The following DAB2IP variants were observed in gnomAD, a reference collection of about 807,000 sequenced individuals.
DAB2IP encodes the protein disabled homolog 2-interacting protein.
In DAB2IP, 28 loss-of-function variants were observed where a neutral mutation model predicts 107.2. The observed-to-expected ratio is 0.26, with a 90% CI of 0.19 to 0.36. DAB2IP has a LOEUF of 0.36. DAB2IP is among the 10% of genes least tolerant of loss of function. The pLI is 1.00. For synonymous variants in DAB2IP, 755 were observed against 706.4 expected, an observed-to-expected ratio of 1.07 and a Z score of -1.09; for missense variants, 1,400 against 1,644.7, an observed-to-expected ratio of 0.85 and a Z score of 2.57.
chr9:121,610,338 T>C (rs1589404326), intron 1 of DAB2IP, among the ~76,000 whole-genome samples: 1 of 152,304 alleles, frequency 6.6e-6, no homozygotes, highest in Admixed American at 6.5e-5. Flanking sequence ...CAGCTCACAC[T>C]TTCTGAGTAC....
At chr9:121,695,270 G>A (rs1440508148) in intron 2 of DAB2IP, among the ~76,000 whole-genome samples, 3 of 152,142 alleles carry the variant, frequency 2.0e-5, no homozygotes, top group Admixed American at 2.0e-4. Flanking sequence ...TCCTTGGAGA[G>A]CCCAGACTGA....
At chr9:121,636,538 T>C (rs1341280222) in intron 1 of DAB2IP, among the ~76,000 whole-genome samples, 1 of 151,962 alleles carries the variant, frequency 6.6e-6, no homozygotes, top group African/African-American at 2.4e-5. Flanking sequence ...CTCGCTGCTC[T>C]CCCCAGCTGA....
chr9:121,647,204 G>A (rs1832568648), upstream of DAB2IP, among the ~76,000 whole-genome samples: 1 of 152,150 alleles, frequency 6.6e-6, no homozygotes, highest in South Asian at 2.1e-4. Flanking sequence ...GAAGATAACT[G>A]GTTGTGGTTG....
chr9:121,777,896 C>G (rs2119029088), intron 14 of DAB2IP, among the ~76,000 whole-genome samples: 1 of 152,310 alleles, frequency 6.6e-6, no homozygotes, highest in South Asian at 2.1e-4. Flanking sequence ...TTGAAATATT[C>G]TTTGCTCTGA....
exon 12 of DAB2IP, chr9:121,773,397 T>C (rs752339946): frequency 1.3e-6 from 2 of 1,593,116 alleles, no homozygotes; most frequent in Admixed American, 1.7e-5. Flanking sequence ...GGCGTCGGCC[T>C]CACCTGATTG....
At chr9:121,653,523 G>A (rs1350345247) in intron 1 of DAB2IP, among the ~76,000 whole-genome samples, 1 of 152,082 alleles carries the variant, frequency 6.6e-6, no homozygotes, top group African/African-American at 2.4e-5. Context: ...TGGACCTGCC[G>A]TATGTGGAGG....
At chr9:121,739,415 A>G (rs893453556) in intron 3 of DAB2IP, among the ~76,000 whole-genome samples, 1 of 152,202 alleles carries the variant, frequency 6.6e-6, no homozygotes, top group Non-Finnish European at 1.5e-5. Flanking sequence ...GTGGGGAGTA[A>G]TTGAAGGCTT....
intron 12 of DAB2IP, 116 bp from the exon 13 acceptor site, chr9:121,774,144 C>T (rs1588007023): frequency 8.3e-7 from 1 of 1,200,690 alleles, no homozygotes. Context: ...GCTGGAGGTC[C>T]CCTCTTCCCA....
intron 8 of DAB2IP, among the ~76,000 whole-genome samples, chr9:121,766,239 G>A (rs1249292699): frequency 2.0e-5 from 3 of 152,154 alleles, no homozygotes; most frequent in Non-Finnish European, 4.4e-5. Context: ...CCACCTGCCC[G>A]GCCCTTCACT....
chr9:121,668,196 ATTTT>A (rs11314701), intron 1 of DAB2IP, among the ~76,000 whole-genome samples: 1 of 142,586 alleles, frequency 7.0e-6, no homozygotes. Flanking sequence ...GCTGTTGTTG[ATTTT>A]TTTTTTTTTT....
chr9:121,758,747 G>A (rs1327928696), intron 4 of DAB2IP, 151 bp from the exon 5 acceptor site: 3 of 659,658 alleles, frequency 4.5e-6, no homozygotes, highest in Non-Finnish European at 5.4e-6. Flanking sequence ...TGAAGTAGAG[G>A]CGTCATATGA....
intron 15 of DAB2IP, among the ~76,000 whole-genome samples, chr9:121,781,893 A>G (rs987222941): frequency 9.9e-5 from 15 of 152,128 alleles, no homozygotes; most frequent in African/African-American, 2.7e-4. Flanking sequence ...GTTCACAACT[A>G]TGGCATCCGG....
At chr9:121,679,377 C>T (rs1194387925) in intron 2 of DAB2IP, among the ~76,000 whole-genome samples, 2 of 148,202 alleles carry the variant, frequency 1.3e-5, no homozygotes, top group Admixed American at 1.3e-4. Context: ...TGACCCTTAA[C>T]GTCTGACTGT....
intron 1 of DAB2IP, among the ~76,000 whole-genome samples, chr9:121,661,130 G>A (rs1198387507): frequency 6.6e-6 from 1 of 152,138 alleles, no homozygotes; most frequent in Non-Finnish European, 1.5e-5. Flanking sequence ...TGGCTGATGG[G>A]CCTGCCTTGG....
At chr9:121,740,347 A>T (rs1394318813) in intron 3 of DAB2IP, among the ~76,000 whole-genome samples, 1 of 151,858 alleles carries the variant, frequency 6.6e-6, no homozygotes, top group African/African-American at 2.4e-5. Flanking sequence ...ACGTTTTTGG[A>T]CTGAATGCTG....
rs75375368 is a variant in DAB2IP at position 121,717,501 on chromosome 9, C to T, written c.362+18043C>T. ...GAGAATCCGCCCCTGGGCAGATTCA[C>T]TCGGGTCACACACTTGTTTATCACA... On this transcript the variant is annotated intron_variant, in intron 3 of 15. Transcript: ENST00000408936. 4.7e-3 allele frequency among the ~76,000 whole-genome samples: 717 copies of T among 152,362 alleles called. 5 individuals are homozygous for T. Among genetic ancestry groups the T allele is most frequent in the African/African-American group, 0.016 (680 of 41,592 alleles).
intron 13 of DAB2IP, among the ~76,000 whole-genome samples, chr9:121,775,310 G>A (rs1835121014): frequency 1.3e-5 from 2 of 152,156 alleles, no homozygotes; most frequent in African/African-American, 2.4e-5. Context: ...GGCCTCAGGC[G>A]AGGCCCGTCT....
At chr9:121,660,327 C>T (rs915177491) in intron 1 of DAB2IP, among the ~76,000 whole-genome samples, 1 of 152,190 alleles carries the variant, frequency 6.6e-6, no homozygotes, top group African/African-American at 2.4e-5. Flanking sequence ...TGCTGAGCAT[C>T]ACCCAGCTAC....
Position 121,663,695 on chromosome 9 carries a change from C to T in DAB2IP, c.124+11796C>T, listed in dbSNP as rs112610287. On this transcript the variant is annotated intron_variant, in intron 1 of 15. Coordinates refer to ENST00000408936, the Ensembl canonical transcript of DAB2IP. Reference sequence around the variant, plus strand: ...GTACCTGTACCACCTCCAAACTCAACATCATAAAACCAAAACGTGAAATCA... The same window carrying T: ...GTACCTGTACCACCTCCAAACTCAATATCATAAAACCAAAACGTGAAATCA... 5.5e-3 allele frequency among the ~76,000 whole-genome samples: 834 copies of T among 152,328 alleles called. 9 individuals are homozygous for T. Among genetic ancestry groups the T allele is most frequent in the African/African-American group, 0.017 (718 of 41,562 alleles).
Sources: allele counts gnomAD v4.1 joint callset (sites outside exome capture counted in the v4.1 genomes callset), GRCh38; gene constraint gnomAD v4.1.1; transcripts MANE v1.5; gene names NCBI Gene and HGNC (gene_info 2026-07-23, HGNC 2026-07-21).